Variants in ZNF461 observed in about 807,000 individuals in gnomAD.
The protein encoded by ZNF461 is gonadotropin-inducible ovarian transcription factor-1.
In ZNF461, 16 loss-of-function variants were observed where a neutral mutation model predicts 18.3. The observed-to-expected ratio is 0.88, with a 90% CI of 0.59 to 1.33. The LOEUF is 1.33. ZNF461 is among the 40% of genes most tolerant of loss of function. The probability of loss-of-function intolerance (pLI) is 0.00; values close to 1 mark genes in which losing one functional copy is unlikely to be tolerated. For synonymous variants in ZNF461, 179 were observed against 216.9 expected, an observed-to-expected ratio of 0.83 and a Z score of 1.54; for missense variants, 595 against 669.9, an observed-to-expected ratio of 0.89 and a Z score of 1.23.
chr19:36,642,075 G>A (rs992894995), intron 5 of ZNF461, among the ~76,000 whole-genome samples: 3 of 152,068 alleles, frequency 2.0e-5, no homozygotes, highest in Non-Finnish European at 4.4e-5. Flanking sequence ...CTATAGGGGT[G>A]TGCCACTATG....
In ZNF461 at chr19:36,639,275, TAAG is replaced by T; in HGVS notation, c.1067_1069del (p.Pro356_Tyr357delinsHis). The T allele has an allele frequency of 6.2e-7, 1 of 1,614,160 alleles. No individual in the cohort carries two copies. Among genetic ancestry groups the T allele is most frequent in the South Asian group, 1.1e-5 (1 of 91,082 alleles). On this transcript the variant is annotated inframe_deletion, in exon 6 of 6. Transcript: ENST00000588268. ...AGTCTTTCCACATTCTTTACATTCATAAGGTTTCTCTCCAGTATGGAGTCGCAG... is the reference window on the plus strand; with the variant it reads ...AGTCTTTCCACATTCTTTACATTCATGTTTCTCTCCAGTATGGAGTCGCAG...
intron 1 of ZNF461, among the ~76,000 whole-genome samples, chr19:36,665,204 A>C (rs549852459): frequency 9.6e-4 from 146 of 152,332 alleles, no homozygotes; most frequent in Middle Eastern, 3.4e-3. Flanking sequence ...GTGTATGTGT[A>C]ACAGAAATTT....
intron 2 of ZNF461, among the ~76,000 whole-genome samples, chr19:36,663,122 T>C (rs1304898482): frequency 6.6e-6 from 1 of 152,264 alleles, no homozygotes; most frequent in East Asian, 1.9e-4. Context: ...AAGTATATAA[T>C]GTCTTTCTGC....
At chr19:36,657,792 TAAATA>T (rs1252871682) in intron 3 of ZNF461, 2 of 152,082 alleles carry the variant, frequency 1.3e-5, no homozygotes, top group Admixed American at 6.6e-5. Context: ...AATAAATAAA[TAAATA>T]AAATAAAAAG....
At chr19:36,664,670 A>C (rs768495046) in intron 2 of ZNF461, 28 bp downstream of exon 2, 5 of 1,513,956 alleles carry the variant, frequency 3.3e-6, no homozygotes, top group Non-Finnish European at 4.4e-6. Flanking sequence ...CAAGTATTGT[A>C]ATTAGGAGCA....
In ZNF461 at chr19:36,647,334, G is replaced by C. The variant is rs562443208; in HGVS notation, c.233-3472C>G. On this transcript the variant is annotated intron_variant, in intron 4 of 5. Transcript: ENST00000588268. ...ATAGGCATATCACTTGAGGTCAGTA[G>C]TTTGAGACCTGCCTGGCCAACATGG... Among the ~76,000 whole-genome samples the C allele has an allele frequency of 7.2e-5, 11 of 152,272 alleles. No individual in the cohort carries two copies. In the South Asian group the frequency reaches 2.1e-3, roughly 29 times the overall value.
chr19:36,641,973 G>A (rs2145367310), intron 5 of ZNF461, among the ~76,000 whole-genome samples: 1 of 152,220 alleles, frequency 6.6e-6, no homozygotes, highest in South Asian at 2.1e-4. Flanking sequence ...AGGCGAGAGT[G>A]AGCGCAGTGG....
intron 5 of ZNF461, among the ~76,000 whole-genome samples, chr19:36,641,865 C>T (rs1317644012): frequency 6.6e-6 from 1 of 152,026 alleles, no homozygotes; most frequent in African/African-American, 2.4e-5. Flanking sequence ...TATAACAAGC[C>T]ACTCCAACTG....
intron 4 of ZNF461, among the ~76,000 whole-genome samples, chr19:36,656,156 C>T (rs1416248751): frequency 6.6e-6 from 1 of 152,008 alleles, no homozygotes; most frequent in Non-Finnish European, 1.5e-5. Context: ...CACCACTGCG[C>T]CCGGCTAATT....
intron 4 of ZNF461, among the ~76,000 whole-genome samples, chr19:36,648,941 G>A (rs1206460971): frequency 2.0e-5 from 3 of 152,094 alleles, no homozygotes; most frequent in African/African-American, 7.2e-5. Flanking sequence ...CTCTTCATGT[G>A]CCTGTTGGCC....
intron 4 of ZNF461, among the ~76,000 whole-genome samples, chr19:36,648,884 T>C (rs147997165): frequency 2.6e-4 from 39 of 152,174 alleles, no homozygotes; most frequent in Non-Finnish European, 4.1e-4. Context: ...CCCAGCCTCA[T>C]TGTGGTTGTG....
Position 36,639,802 on chromosome 19 carries a change from G to A in ZNF461, c.543C>T (p.Leu181=), listed in dbSNP as rs2037388545. Reference sequence around the variant, plus strand: ...TCTCTCTATCATAAAATTCTTGAGTGAGTAAAGTATGTTGGCTAAAAATGG... The same window carrying A: ...TCTCTCTATCATAAAATTCTTGAGTAAGTAAAGTATGTTGGCTAAAAATGG... ...NMPIFSQHTL[L]TQEFYDREKI... is the part of the protein sequence containing the mutation. Residue 181 remains leucine (L), a synonymous_variant, in exon 6 of 6, where the codon CTC becomes CTT. Transcript: ENST00000588268. 1.2e-6 allele frequency: 2 copies of A among 1,613,732 alleles called. No individual in the cohort carries two copies. The highest frequency in any genetic ancestry group is 3.3e-5 in the Admixed American group (2 of 60,000).
rs12460049 is a variant in ZNF461 at position 36,659,447 on chromosome 19, A to C, written c.10-1022T>G. ...TTGGTAGCATAACATTGGTAGCATA[A>C]CATTTTTAAGAGACAGGGTCTCACT... On this transcript the variant is annotated intron_variant, in intron 2 of 5. Coordinates refer to ENST00000588268, the MANE Select transcript of ZNF461 (RefSeq NM_153257.5). Among the ~76,000 whole-genome samples, 837 of 152,286 alleles carry C rather than the reference A, an allele frequency of 5.5e-3. 23 individuals carry two copies. The highest frequency in any genetic ancestry group is 0.037 in the Admixed American group (568 of 15,288).
At position 36,639,071 on chromosome 19, in the gene ZNF461, C is replaced by A. The variant is rs778245783; in HGVS notation, c.1274G>T (p.Gly425Val). Reference sequence around the variant, plus strand: ...CCTCTGATGTAGGGTTAGTTGTAAGCCATCACAAAAAGCCTTCCCACATTC... The same window carrying A: ...CCTCTGATGTAGGGTTAGTTGTAAGACATCACAAAAAGCCTTCCCACATTC... ...CHECGKAFCD[G>V]LQLTLHQRIH... Residue 425 changes from glycine to valine, a missense_variant, in exon 6 of 6, where the codon GGC (glycine) becomes GTC (valine). By Grantham distance (109) the Gly-to-Val change is moderately radical (BLOSUM62 -3). Coordinates refer to ENST00000588268, the MANE Select transcript of ZNF461 (RefSeq NM_153257.5). The A allele has an allele frequency of 5.6e-6, 9 of 1,612,658 alleles. No homozygotes were observed. Among genetic ancestry groups the A allele is most frequent in the Non-Finnish European group, 6.8e-6 (8 of 1,179,794 alleles).
At chr19:36,654,499 T>C (rs1267299875) in intron 4 of ZNF461, among the ~76,000 whole-genome samples, 1 of 151,992 alleles carries the variant, frequency 6.6e-6, no homozygotes, top group East Asian at 1.9e-4. Flanking sequence ...CTTGAGTAGA[T>C]GGGACTACAG....
chr19:36,664,868 C>T (rs1008210395), intron 1 of ZNF461, 82 bp from the exon 2 acceptor site: 3 of 477,902 alleles, frequency 6.3e-6, no homozygotes, highest in Non-Finnish European at 1.1e-5. Context: ...TGACATTTTT[C>T]TTCCCCCTTC....
rs372489382 is a variant in ZNF461, at chr19:36,639,633, T to C, written c.712A>G (p.Thr238Ala). The C allele has an allele frequency of 2.8e-5, 45 of 1,613,650 alleles. No homozygotes were observed. Among genetic ancestry groups the C allele is most frequent in the Non-Finnish European group, 3.8e-5 (45 of 1,179,764 alleles). Residue 238 changes from threonine (T) to alanine (A), a missense_variant, in exon 6 of 6, where the codon ACA becomes GCA. Coordinates refer to ENST00000588268, the MANE Select transcript of ZNF461 (RefSeq NM_153257.5). ...TTGCATTTGTCACCATTTTGAATTG[T>C]CTGTTGTTTAAAAAGGCATGGTGTA... ...VNTPCLFKQQ[T>A]IQNGDKCNEC...
Position 36,637,673 on chromosome 19 carries a change from G to C in ZNF461, c.*980C>G. On this transcript the variant is annotated 3_prime_UTR_variant, in exon 6 of 6. Transcript: ENST00000588268. ...GATTGCACCACTGGACTCCAGCCTG[G>C]GTGTGTCTCAAAAAAAAAAAAAATG... The C allele has an allele frequency of 3.5e-6, 1 of 287,198 alleles. No individual in the cohort carries two copies. The highest frequency in any genetic ancestry group is 6.8e-6 in the Non-Finnish European group (1 of 146,860). The allele number at this position is 287,198 out of a possible 1,614,324, so 17.8% of individuals were successfully genotyped here.
intron 2 of ZNF461, among the ~76,000 whole-genome samples, chr19:36,662,158 C>T (rs1038132051): frequency 2.5e-4 from 38 of 149,038 alleles, no homozygotes; most frequent in Admixed American, 6.7e-5. Context: ...CATGAGCCAC[C>T]GAGCCTAGCT....
Sources: allele counts gnomAD v4.1 joint callset (sites outside exome capture counted in the v4.1 genomes callset), GRCh38; gene constraint gnomAD v4.1.1; transcripts MANE v1.5; gene names NCBI Gene and HGNC (gene_info 2026-07-23, HGNC 2026-07-21).